The following ZNF521 variants were observed in gnomAD, a reference collection of about 807,000 sequenced individuals.
ZNF521 encodes zinc finger protein 521, also known as LYST-interacting protein 3.
A neutral mutation model predicts 105.5 loss-of-function variants in ZNF521; 14 were observed. That is an observed-to-expected ratio of 0.13 (90% CI 0.09 to 0.21). The LOEUF is 0.21. ZNF521 is among the 10% of genes least tolerant of loss of function. ZNF521 has a pLI of 1.00. For synonymous variants in ZNF521, 635 were observed against 606.0 expected (o/e 1.05, Z -0.70); for missense variants, 1,233 against 1,629.7 (o/e 0.76, Z 4.19).
At chr18:25,077,839 C>T (rs79816886) in intron 7 of ZNF521, among the ~76,000 whole-genome samples, 2 of 151,692 alleles carry the variant, frequency 1.3e-5, no homozygotes, top group Middle Eastern at 3.2e-3. Context: ...AAGAGGGAGG[C>T]GGGGAGAATT....
intron 3 of ZNF521, among the ~76,000 whole-genome samples, chr18:25,237,265 A>G (rs1329415867): frequency 6.6e-6 from 1 of 152,194 alleles, no homozygotes; most frequent in Non-Finnish European, 1.5e-5. Context: ...TTTTTCAAAT[A>G]TTTTAGGTAA....
At chr18:25,111,092 T>C (rs538506006) in intron 5 of ZNF521, among the ~76,000 whole-genome samples, 1 of 152,094 alleles carries the variant, frequency 6.6e-6, no homozygotes, top group East Asian at 1.9e-4. Context: ...AGGGCCTCCT[T>C]ACTGCCTGCT....
chr18:25,197,012 A>C (rs1351162963), intron 4 of ZNF521, among the ~76,000 whole-genome samples: 1 of 151,760 alleles, frequency 6.6e-6, no homozygotes, highest in African/African-American at 2.4e-5. Context: ...AGAATATACT[A>C]GGGCTTTTTT....
intron 5 of ZNF521, among the ~76,000 whole-genome samples, chr18:25,139,897 A>G (rs780356763): frequency 6.6e-6 from 1 of 152,162 alleles, no homozygotes; most frequent in Non-Finnish European, 1.5e-5. Context: ...CCCTTATAAA[A>G]GAAATCCCGA....
chr18:25,321,063 G>C (rs928398895), intron 3 of ZNF521, among the ~76,000 whole-genome samples: 12 of 152,200 alleles, frequency 7.9e-5, no homozygotes, highest in African/African-American at 2.7e-4. Context: ...AAAACAGTCA[G>C]AGAACCACTT....
chr18:25,304,527 A>G (rs191141607), intron 3 of ZNF521, among the ~76,000 whole-genome samples: 2 of 152,254 alleles, frequency 1.3e-5, no homozygotes, highest in Non-Finnish European at 2.9e-5. Flanking sequence ...CAATATTCTG[A>G]GTGTGCAAAT....
chr18:25,157,881 A>G (rs1283993908), intron 5 of ZNF521, among the ~76,000 whole-genome samples: 1 of 151,666 alleles, frequency 6.6e-6, no homozygotes, highest in Non-Finnish European at 1.5e-5. Context: ...CCTCCAGAGG[A>G]GCTGGGATTA....
chr18:25,180,466 T>C lies in ZNF521; in HGVS notation c.3658+14694A>G, dbSNP rs45463893. ...CAGTGCAAATAGTGAACTTAAAACA[T>C]GAAAATACAATTTGCTCCTTCTAAA... On this transcript the variant is annotated intron_variant, in intron 5 of 7. Coordinates refer to ENST00000361524, the MANE Select transcript of ZNF521 (RefSeq NM_015461.3). Among the ~76,000 whole-genome samples the C allele has an allele frequency of 7.2e-3, 1,092 of 151,612 alleles. 7 individuals carry two copies. Among genetic ancestry groups the C allele is most frequent in the Middle Eastern group, 0.024 (7 of 294 alleles).
chr18:25,244,072 A>G (rs1011110484), intron 3 of ZNF521, among the ~76,000 whole-genome samples: 1 of 152,138 alleles, frequency 6.6e-6, no homozygotes, highest in Non-Finnish European at 1.5e-5. Context: ...ACTCTCCCCA[A>G]GCTGAGTCCT....
At chr18:25,299,244 T>C (rs377266608) in intron 3 of ZNF521, among the ~76,000 whole-genome samples, 2 of 152,198 alleles carry the variant, frequency 1.3e-5, no homozygotes, top group Admixed American at 6.5e-5. Flanking sequence ...AATACTAACA[T>C]GTAACTTTAC....
chr18:25,093,786 G>A (rs1421922274), intron 5 of ZNF521, among the ~76,000 whole-genome samples: 1 of 152,024 alleles, frequency 6.6e-6, no homozygotes, highest in East Asian at 1.9e-4. Flanking sequence ...ATGACAAGGG[G>A]TTATACAAAA....
At position 25,225,943 on chromosome 18, in the gene ZNF521, T is replaced by C. The variant is rs150719882; in HGVS notation, c.1975A>G (p.Thr659Ala). The C allele has an allele frequency of 1.5e-4, 236 of 1,613,954 alleles. 1 individual carries two copies. Among genetic ancestry groups the C allele is most frequent in the Non-Finnish European group, 4.2e-5 (49 of 1,180,018 alleles). ...GGACAGGTCAATTTTGGAAGCACAGTGTCGAGATGAGTTTTTAGGTGAGTC... is the reference window on the plus strand; with the variant it reads ...GGACAGGTCAATTTTGGAAGCACAGCGTCGAGATGAGTTTTTAGGTGAGTC... ...FQTHLKTHLDTVLPKLTCPQC... is the reference protein window; with the variant it reads ...FQTHLKTHLDAVLPKLTCPQC... The change falls in exon 4 of 8, where the codon ACT (threonine) becomes GCT (alanine). Residue 659 changes from threonine to alanine, a missense_variant. Thr to Ala is a moderately conservative substitution (Grantham distance 58). This residue lies in a region of ZNF521 where 614 missense variants were observed against 751.5 expected (regional missense o/e 0.82). Transcript: ENST00000361524. This position sits in a 1 kb window ranked among gnomAD's most constrained non-coding sequence, Gnocchi z 5.6.
At chr18:25,246,263 A>G (rs1359706165) in intron 3 of ZNF521, among the ~76,000 whole-genome samples, 1 of 152,210 alleles carries the variant, frequency 6.6e-6, no homozygotes, top group Non-Finnish European at 1.5e-5. Flanking sequence ...AAGTCTTATG[A>G]TCTTTATGAA....
intron 2 of ZNF521, among the ~76,000 whole-genome samples, chr18:25,333,081 T>C (rs1820798966): frequency 1.3e-5 from 2 of 151,756 alleles, no homozygotes; most frequent in South Asian, 4.1e-4. Context: ...CATATGTATA[T>C]ATACATATAT....
chr18:25,070,253 G>A (rs2033184422), intron 7 of ZNF521, among the ~76,000 whole-genome samples: 1 of 152,166 alleles, frequency 6.6e-6, no homozygotes, highest in Admixed American at 6.5e-5. Flanking sequence ...CCTCCCATAG[G>A]AAACAATTTC....
chr18:25,091,600 G>A (rs1476063304), intron 6 of ZNF521, among the ~76,000 whole-genome samples: 2 of 151,962 alleles, frequency 1.3e-5, no homozygotes, highest in Non-Finnish European at 2.9e-5. Context: ...AACATCTTGT[G>A]ATTAAAAAGC....
At chr18:25,129,656 A>T (rs553446369) in intron 5 of ZNF521, among the ~76,000 whole-genome samples, 1 of 152,198 alleles carries the variant, frequency 6.6e-6, no homozygotes, top group South Asian at 2.1e-4. Context: ...CAACTCAATT[A>T]GAAAGTGGCG....
chr18:25,212,647 G>T (rs1287854919), intron 4 of ZNF521, among the ~76,000 whole-genome samples: 1 of 143,284 alleles, frequency 7.0e-6, no homozygotes, highest in Non-Finnish European at 1.5e-5. Context: ...AGAGATAACT[G>T]ACAGACTTAC....
At chr18:25,100,077 T>C (rs1282875840) in intron 5 of ZNF521, among the ~76,000 whole-genome samples, 1 of 151,726 alleles carries the variant, frequency 6.6e-6, no homozygotes, top group East Asian at 1.9e-4. Context: ...GGGCCTTTTC[T>C]TTTTTTCTTT....
Sources: gnomAD v4.1 joint callset for allele counts (sites outside exome capture counted in the v4.1 genomes callset) on GRCh38, gnomAD v4.1.1 for gene constraint, gnomAD v4.1.1 regional missense constraint, Gnocchi (gnomAD v3.1) non-coding constraint, MANE v1.5 for transcripts, NCBI Gene and HGNC (gene_info 2026-07-23, HGNC 2026-07-21) for gene names.